Variants in SPAG16 observed in about 807,000 individuals in gnomAD.
SPAG16 encodes the protein sperm associated antigen 16.
Under a neutral mutation model 80.4 loss-of-function variants are expected in SPAG16, and 86 were observed. The observed-to-expected ratio is 1.07, with a 90% CI of 0.90 to 1.28. The LOEUF (loss-of-function observed/expected upper bound fraction) is 1.28. Ranked by LOEUF, SPAG16 falls within the 50% of genes most tolerant of loss-of-function variation. The pLI is 0.00. For synonymous variants in SPAG16, 294 were observed against 265.9 expected (o/e 1.11, Z -1.03); for missense variants, 870 against 765.3 (o/e 1.14, Z -1.61).
At chr2:214,186,371 A>C (rs1255142842) in intron 15 of SPAG16, among the ~76,000 whole-genome samples, 1 of 152,134 alleles carries the variant, frequency 6.6e-6, no homozygotes, top group Non-Finnish European at 1.5e-5. Flanking sequence ...TCCTTCTTCT[A>C]AGCAAATAAA....
intron 11 of SPAG16, among the ~76,000 whole-genome samples, chr2:213,864,673 TCTAA>T (rs567637966): frequency 1.8e-3 from 280 of 152,254 alleles, no homozygotes; most frequent in African/African-American, 5.6e-3. Context: ...GAATATTTTC[TCTAA>T]CTGTTAGCTG....
intron 10 of SPAG16, among the ~76,000 whole-genome samples, chr2:213,551,325 A>T (rs753837419): frequency 9.2e-5 from 14 of 152,200 alleles, no homozygotes; most frequent in Non-Finnish European, 1.8e-4. Flanking sequence ...GTGATTTTTC[A>T]CTGGCATTAG....
At chr2:214,406,296 AATTG>A (rs1265100159) in intron 15 of SPAG16, among the ~76,000 whole-genome samples, 2 of 152,294 alleles carry the variant, frequency 1.3e-5, no homozygotes, top group South Asian at 2.1e-4. Context: ...AATTAATGAA[AATTG>A]ATTGAAAAGT....
At chr2:214,386,956 G>T (rs1700796242) in intron 15 of SPAG16, among the ~76,000 whole-genome samples, 2 of 145,606 alleles carry the variant, frequency 1.4e-5, no homozygotes, top group African/African-American at 5.6e-5. Flanking sequence ...GCTTCTAACA[G>T]TCATATACAG....
chr2:213,746,446 A>G (rs565158132), intron 10 of SPAG16, among the ~76,000 whole-genome samples: 55 of 152,214 alleles, frequency 3.6e-4, no homozygotes, highest in Non-Finnish European at 6.6e-4. Flanking sequence ...GTGTTAGTGC[A>G]AGGCAATACT....
At position 214,149,198 on chromosome 2, in the gene SPAG16, A is replaced by C; in HGVS notation, c.1652A>C (p.Lys551Thr). 1 of 1,598,656 alleles carries C rather than the reference A, an allele frequency of 6.3e-7. No individual in the cohort carries two copies. Among genetic ancestry groups the C allele is most frequent in the Non-Finnish European group, 8.5e-7 (1 of 1,172,248 alleles). The change falls in exon 15 of 16, where the codon AAG becomes ACG. Residue 551 changes from lysine to threonine, a missense_variant. Transcript: ENST00000331683. ...GTTACAAAGCTGTGGGACTTTCGGA[A>C]GCTGTTACCAATTGTGTCCATCGAT... ...CGVTKLWDFR[K>T]LLPIVSIDIG...
chr2:214,291,178 C>T (rs1349760350), intron 15 of SPAG16, among the ~76,000 whole-genome samples: 1 of 151,936 alleles, frequency 6.6e-6, no homozygotes, highest in Non-Finnish European at 1.5e-5. Context: ...CATAGCTACT[C>T]CTGCTCGCTT....
In SPAG16 at chr2:214,330,277, CAAAAAAAAAAAAAG is replaced by C. The variant is rs112219754; in HGVS notation, c.1721-79862_1721-79849del. Among the ~76,000 whole-genome samples, 119 of 105,260 alleles carry C rather than the reference CAAAAAAAAAAAAAG, an allele frequency of 1.1e-3. 1 individual carries two copies. The Middle Eastern group carries it at 0.017, about 15-fold the overall frequency. 69.1% of individuals were successfully genotyped at this position (105,260 alleles called of 152,430 possible). A position where few individuals can be genotyped will look rare whatever the true frequency, so the allele number is the denominator to read the frequency against. On this transcript the variant is annotated intron_variant, in intron 15 of 15. Coordinates refer to ENST00000331683, the MANE Select transcript of SPAG16 (RefSeq NM_024532.5). ...GGGTGACAAGAGTGAAACTCTGTCT[CAAAAAAAAAAAAAG>C]GAAAAGAAATAAAGAAAATTGTATG... is the stretch of plus-strand genomic sequence containing the variant.
At chr2:214,206,068 C>T (rs927964244) in intron 15 of SPAG16, among the ~76,000 whole-genome samples, 58 of 152,144 alleles carry the variant, frequency 3.8e-4, no homozygotes, top group African/African-American at 8.0e-4. Context: ...TGGTGGCATA[C>T]GCCTGTAGTC....
chr2:214,167,020 A>G (rs1046212370), intron 15 of SPAG16, among the ~76,000 whole-genome samples: 13 of 152,162 alleles, frequency 8.5e-5, no homozygotes, highest in Non-Finnish European at 1.3e-4. Context: ...GAGGAGGAGA[A>G]GGGCAGATGA....
chr2:214,375,468 C>G (rs1700069700), intron 15 of SPAG16, among the ~76,000 whole-genome samples: 1 of 152,096 alleles, frequency 6.6e-6, no homozygotes, highest in African/African-American at 2.4e-5. Context: ...ATGACATCTC[C>G]TACAGCGAAT....
At chr2:214,205,786 A>G (rs977996624) in intron 15 of SPAG16, among the ~76,000 whole-genome samples, 9 of 152,196 alleles carry the variant, frequency 5.9e-5, no homozygotes, top group South Asian at 4.1e-4. Context: ...CATGCATATA[A>G]TGTGTAGTAA....
chr2:213,792,506 C>T (rs2070760391), intron 10 of SPAG16, among the ~76,000 whole-genome samples: 1 of 150,996 alleles, frequency 6.6e-6, no homozygotes. Flanking sequence ...CCTCTCACTT[C>T]TCTTAGGACA....
chr2:214,329,886 C>T (rs1696775722), intron 15 of SPAG16, among the ~76,000 whole-genome samples: 1 of 152,004 alleles, frequency 6.6e-6, no homozygotes, highest in African/African-American at 2.4e-5. Context: ...GATGAAATGT[C>T]AGCTTGAAAG....
At chr2:214,013,714 CTT>C (rs1416583158) in intron 12 of SPAG16, among the ~76,000 whole-genome samples, 1 of 152,140 alleles carries the variant, frequency 6.6e-6, no homozygotes, top group Non-Finnish European at 1.5e-5. Flanking sequence ...ATAAAGATGA[CTT>C]TACCAAGTGA....
rs1192356651 is a variant in SPAG16, at chr2:213,581,854, G to A, written c.1070+91764G>A. 2.0e-5 allele frequency among the ~76,000 whole-genome samples: 3 copies of A among 152,188 alleles called. No individual in the cohort carries two copies. In the East Asian group the frequency reaches 5.8e-4, roughly 29 times the overall value. On this transcript the variant is annotated intron_variant, in intron 10 of 15. Transcript: ENST00000331683. The stretch of plus-strand genomic sequence containing the variant: ...TGTGATTTATAAGATGTGAATCAAG[G>A]GTGCTTTGCTTGATGCCTTGCTTCA...
At chr2:214,319,338 G>A (rs1695938005) in intron 15 of SPAG16, among the ~76,000 whole-genome samples, 1 of 152,044 alleles carries the variant, frequency 6.6e-6, no homozygotes, top group Admixed American at 6.6e-5. Context: ...GCAGAGAGGA[G>A]GTATGTACAG....
intron 10 of SPAG16, among the ~76,000 whole-genome samples, chr2:213,592,709 G>A (rs2060743774): frequency 6.6e-6 from 1 of 152,146 alleles, no homozygotes; most frequent in Non-Finnish European, 1.5e-5. Flanking sequence ...CATGAAGGGA[G>A]GAGGTTCAGA....
chr2:213,870,786 A>T (rs1215984222), intron 11 of SPAG16, among the ~76,000 whole-genome samples: 4 of 152,170 alleles, frequency 2.6e-5, no homozygotes, highest in African/African-American at 9.7e-5. Flanking sequence ...TATTGCCTCT[A>T]AGTCTATTGG....
Sources: allele counts gnomAD v4.1 joint callset (sites outside exome capture counted in the v4.1 genomes callset), GRCh38; gene constraint gnomAD v4.1.1; transcripts MANE v1.5; gene names NCBI Gene and HGNC (gene_info 2026-07-23, HGNC 2026-07-21).